The following EGF variants were observed in gnomAD, a reference collection of about 807,000 sequenced individuals.
EGF encodes the protein pro-epidermal growth factor.
Under a neutral mutation model 143.8 loss-of-function variants are expected in EGF, and 95 were observed. The ratio of observed to expected loss-of-function variants is 0.66; its 90% CI spans 0.56 to 0.78. EGF has a LOEUF of 0.78. Among genes scored for constraint, EGF ranks in the 30% least tolerant of loss-of-function variants. The pLI is 0.00. For missense variants in EGF, 1,320 were observed against 1,470.9 expected (o/e 0.90, Z 1.68); for synonymous variants, 510 against 510.5 (o/e 1.00, Z 0.01).
chr4:109,992,611 G>A (rs1201956250), intron 18 of EGF, among the ~76,000 whole-genome samples: 3 of 152,168 alleles, frequency 2.0e-5, no homozygotes, highest in Non-Finnish European at 2.9e-5. Context: ...ATACCCAAAG[G>A]AATATAAATC....
intron 7 of EGF, 32 bp from the exon 8 acceptor site, chr4:109,961,831 C>T (rs753086452): frequency 1.2e-6 from 2 of 1,612,306 alleles, no homozygotes; most frequent in Admixed American, 1.7e-5. Flanking sequence ...CCCGATTTAA[C>T]ACTAATCTTG....
chr4:109,946,945 C>A (rs1462061108), intron 5 of EGF, among the ~76,000 whole-genome samples: 4 of 151,978 alleles, frequency 2.6e-5, no homozygotes, highest in African/African-American at 9.7e-5. Context: ...ATGGCAAAAC[C>A]CTGTCTCTAC....
intron 5 of EGF, among the ~76,000 whole-genome samples, chr4:109,950,401 C>A (rs1381252064): frequency 1.3e-5 from 2 of 152,168 alleles, no homozygotes; most frequent in Non-Finnish European, 2.9e-5. Flanking sequence ...TATGATCTAA[C>A]CACTCTGCCC....
chr4:109,953,487 A>C (rs1342507211), intron 5 of EGF, among the ~76,000 whole-genome samples: 1 of 152,230 alleles, frequency 6.6e-6, no homozygotes, highest in Non-Finnish European at 1.5e-5. Flanking sequence ...AGGTAAATTC[A>C]GTGTTCGATC....
Position 109,913,403 on chromosome 4 carries a change from C to T in EGF, c.68C>T (p.Pro23Leu), listed in dbSNP as rs574081002. Residue 23 changes from proline (P) to leucine (L), a missense_variant, in exon 1 of 24, where the codon CCG (proline) becomes CTG (leucine). Transcript: ENST00000265171. ...TTTAGTTTTGTTAGTCTCTCAGCAC[C>T]GCAGCACTGGAGCTGTCCTGAAGGT... Reference protein sequence around the residue: ...SKFSFVSLSAPQHWSCPEGTL... With the variant: ...SKFSFVSLSALQHWSCPEGTL... 73 of 1,613,796 alleles carry T rather than the reference C, an allele frequency of 4.5e-5. No homozygotes were observed. Among genetic ancestry groups the T allele is most frequent in the Non-Finnish European group, 6.0e-5 (71 of 1,179,918 alleles).
intron 22 of EGF, among the ~76,000 whole-genome samples, chr4:110,007,217 C>G (rs1048854402): frequency 6.6e-6 from 1 of 152,238 alleles, no homozygotes; most frequent in African/African-American, 2.4e-5. Flanking sequence ...CAGTCATCAT[C>G]CCTTTCTACA....
At chr4:110,011,137 G>T in intron 23 of EGF, 65 bp from the exon 24 acceptor site, 1 of 1,583,302 alleles carries the variant, frequency 6.3e-7, no homozygotes, top group Non-Finnish European at 8.6e-7. Context: ...CTACCGTTTA[G>T]GGTCTGTCTT....
intron 21 of EGF, chr4:110,001,631 T>C: frequency 2.0e-6 from 2 of 985,460 alleles, no homozygotes; most frequent in Non-Finnish European, 1.2e-6. Context: ...TTATGTTCTG[T>C]TGGCATTTTT....
At chr4:109,981,741 C>G (rs901380201) in intron 15 of EGF, among the ~76,000 whole-genome samples, 2 of 152,120 alleles carry the variant, frequency 1.3e-5, no homozygotes, top group African/African-American at 2.4e-5. Flanking sequence ...AGGCTAGTTT[C>G]AGCTCACAAT....
At chr4:109,961,279 CAGG>C (rs1165328358) in intron 7 of EGF, among the ~76,000 whole-genome samples, 1 of 152,142 alleles carries the variant, frequency 6.6e-6, no homozygotes, top group East Asian at 1.9e-4. Context: ...TCACTTGAAC[CAGG>C]AGGAGGAGGC....
At chr4:109,949,409 G>GA (rs1248195929) in intron 5 of EGF, among the ~76,000 whole-genome samples, 6 of 152,230 alleles carry the variant, frequency 3.9e-5, no homozygotes, top group African/African-American at 1.4e-4. Flanking sequence ...TTACTTAGGG[G>GA]AAAAAACCTT....
At chr4:109,959,982 A>G (rs532337339) in intron 6 of EGF, among the ~76,000 whole-genome samples, 1 of 152,288 alleles carries the variant, frequency 6.6e-6, no homozygotes, top group East Asian at 1.9e-4. Context: ...TAGTTTAGTG[A>G]TGAAAAGAAT....
intron 21 of EGF, chr4:110,004,175 TGAATGCAA>T: frequency 2.6e-6 from 1 of 381,520 alleles, no homozygotes; most frequent in South Asian, 2.1e-5. Flanking sequence ...TGTGAATGAA[TGAATGCAA>T]GGCTATTCCC....
In EGF at chr4:109,941,041, G is replaced by A. The variant is rs1487928230; in HGVS notation, c.223G>A (p.Val75Ile). The change falls in exon 2 of 24, where the codon GTC becomes ATC. Residue 75 changes from valine to isoleucine, a missense_variant. Val to Ile is a conservative substitution (Grantham distance 29). Around this residue, in one of 5 missense-constraint regions of EGF, gnomAD observed 9 missense variants for 26.6 expected, o/e 0.34. Coordinates refer to ENST00000265171, the MANE Select transcript of EGF (RefSeq NM_001963.6). ...TGAGCAATTGGTGGTGGATGCTGGT[G>A]TCTCAGTGATCATGGATTTTCATTA... ...NYEQLVVDAG[V>I]SVIMDFHYNE... The A allele has an allele frequency of 1.6e-5, 26 of 1,614,050 alleles. No individual in the cohort carries two copies. Among genetic ancestry groups the A allele is most frequent in the Non-Finnish European group, 2.2e-5 (26 of 1,179,950 alleles).
chr4:109,972,705 G>A (rs1368401233), intron 11 of EGF, among the ~76,000 whole-genome samples: 1 of 152,220 alleles, frequency 6.6e-6, no homozygotes, highest in Non-Finnish European at 1.5e-5. Context: ...ACTGCCTTTA[G>A]TTGGTAGTTT....
chr4:109,993,186 C>T, intron 18 of EGF, 61 bp from the exon 19 acceptor site: 1 of 1,608,078 alleles, frequency 6.2e-7, no homozygotes, highest in African/African-American at 1.3e-5. Flanking sequence ...GGCTGTCCAA[C>T]TATAAAACCC....
intron 20 of EGF, among the ~76,000 whole-genome samples, chr4:109,995,724 GC>G (rs1292307884): frequency 6.6e-6 from 1 of 152,168 alleles, no homozygotes; most frequent in Non-Finnish European, 1.5e-5. Context: ...TTTTCTCTGT[GC>G]CTGAGGGAGG....
At chr4:109,919,642 G>T (rs1158663606) in intron 1 of EGF, among the ~76,000 whole-genome samples, 3 of 147,548 alleles carry the variant, frequency 2.0e-5, no homozygotes, top group Non-Finnish European at 4.4e-5. Context: ...AATGGTACAT[G>T]AGTGACAGGT....
chr4:109,931,897 T>C (rs1203871679), intron 1 of EGF, among the ~76,000 whole-genome samples: 1 of 152,230 alleles, frequency 6.6e-6, no homozygotes, highest in East Asian at 1.9e-4. Context: ...TAAAATGTAT[T>C]AATTATTTAT....
Sources: gnomAD v4.1 joint callset for allele counts (sites outside exome capture counted in the v4.1 genomes callset) on GRCh38, gnomAD v4.1.1 for gene constraint, gnomAD v4.1.1 regional missense constraint, MANE v1.5 for transcripts, NCBI Gene and HGNC (gene_info 2026-07-23, HGNC 2026-07-21) for gene names.